Variants in ZDHHC15 observed in about 807,000 individuals in gnomAD.
ZDHHC15 encodes palmitoyltransferase ZDHHC15.
In ZDHHC15, 19 loss-of-function variants were observed where a neutral mutation model predicts 31.7. That is an observed-to-expected ratio of 0.60 (90% CI 0.42 to 0.88). The LOEUF (loss-of-function observed/expected upper bound fraction) is 0.88, where lower values mean the gene tolerates loss of function less well. ZDHHC15 is among the 40% of genes least tolerant of loss of function. The pLI is 0.00. For missense variants in ZDHHC15, 209 were observed against 251.2 expected (o/e 0.83, Z 1.14); for synonymous variants, 103 against 90.0 (o/e 1.14, Z -0.82).
At chrX:75,518,069 G>A (rs1261525683) in intron 1 of ZDHHC15, among the ~76,000 whole-genome samples, 1 of 111,356 alleles carries the variant, frequency 9.0e-6, no homozygotes, top group African/African-American at 3.3e-5. Context: ...AAATCTTTAT[G>A]CTCTTGCATT....
chrX:75,373,926 G>GTTTTTTTTTCTTTTTTTTT (rs2083028090), intron 11 of ZDHHC15, among the ~76,000 whole-genome samples: 1 of 50,456 alleles, frequency 2.0e-5, no homozygotes, highest in Non-Finnish European at 3.4e-5. Context: ...CATTCTTTCT[G>GTTTTTTTTTCTTTTTTTTT]TTTTTTTTTT....
intron 2 of ZDHHC15, among the ~76,000 whole-genome samples, chrX:75,486,498 G>C (rs1215100668): frequency 2.7e-5 from 3 of 112,535 alleles, no homozygotes. Flanking sequence ...TATAAGCATA[G>C]AAGCCATAGC....
intron 3 of ZDHHC15, among the ~76,000 whole-genome samples, chrX:75,470,191 A>G (rs1384483159): frequency 1.8e-5 from 2 of 111,465 alleles, no homozygotes; most frequent in Admixed American, 9.6e-5. Flanking sequence ...GCGAATATAA[A>G]GCAGGCAGGA....
intron 4 of ZDHHC15, among the ~76,000 whole-genome samples, chrX:75,444,105 A>G (rs753739024): frequency 1.8e-5 from 2 of 111,482 alleles, no homozygotes; most frequent in Admixed American, 1.9e-4. Context: ...TGACCCAGCC[A>G]TCCCATTACT....
intron 2 of ZDHHC15, among the ~76,000 whole-genome samples, chrX:75,495,622 T>C (rs2084981728): frequency 9.0e-6 from 1 of 110,529 alleles, no homozygotes; most frequent in East Asian, 2.9e-4. Context: ...TGAGTTCATG[T>C]CCTTTGTAGA....
chrX:75,505,959 C>T, intron 1 of ZDHHC15, 112 bp from the exon 2 acceptor site: 4 of 676,380 alleles, frequency 5.9e-6, no homozygotes, highest in East Asian at 6.7e-5. Context: ...TTTTCCACAG[C>T]ATCATTTGAG....
At chrX:75,504,205 T>C (rs1442408784) in intron 2 of ZDHHC15, among the ~76,000 whole-genome samples, 5 of 111,380 alleles carry the variant, frequency 4.5e-5, no homozygotes. Context: ...AGATAAGAAA[T>C]GGGAAAACTT....
intron 4 of ZDHHC15, among the ~76,000 whole-genome samples, chrX:75,432,976 C>G (rs1296320156): frequency 9.1e-6 from 1 of 109,790 alleles, no homozygotes. Context: ...AGAGCAAGAT[C>G]CTGTTTCTAA....
intron 10 of ZDHHC15, among the ~76,000 whole-genome samples, chrX:75,385,835 T>A (rs1189322275): frequency 3.6e-5 from 4 of 111,852 alleles, no homozygotes; most frequent in Admixed American, 9.5e-5. Flanking sequence ...TTCCTTTGAA[T>A]TCTTATAGCA....
At chrX:75,438,687 C>CTATT (rs2083896561) in intron 4 of ZDHHC15, among the ~76,000 whole-genome samples, 1 of 111,493 alleles carries the variant, frequency 9.0e-6, no homozygotes, top group Non-Finnish European at 1.9e-5. Flanking sequence ...AGGTATCATT[C>CTATT]TATTCATCAT....
At chrX:75,381,472 A>C (rs974269792) in intron 10 of ZDHHC15, among the ~76,000 whole-genome samples, 5 of 111,509 alleles carry the variant, frequency 4.5e-5, no homozygotes, top group Non-Finnish European at 7.5e-5. Context: ...ACCACTCATG[A>C]ATCCATTGCA....
At chrX:75,503,684 C>A (rs1408813497) in intron 2 of ZDHHC15, among the ~76,000 whole-genome samples, 2 of 111,173 alleles carry the variant, frequency 1.8e-5, no homozygotes, top group East Asian at 5.7e-4. Context: ...TGATATAATG[C>A]TTTTTAACAG....
chrX:75,428,947 T>C, intron 7 of ZDHHC15, 131 bp downstream of exon 7: 1 of 908,658 alleles, frequency 1.1e-6, no homozygotes, highest in Non-Finnish European at 1.5e-6. Flanking sequence ...CTGTTTTTAG[T>C]GCCTTCTCTT....
At chrX:75,374,108 A>T (rs1431730761) in intron 11 of ZDHHC15, among the ~76,000 whole-genome samples, 2 of 108,485 alleles carry the variant, frequency 1.8e-5, no homozygotes, top group East Asian at 5.7e-4. Flanking sequence ...GGAAACCATC[A>T]TTCTCAGCAA....
At chrX:75,479,766 G>C (rs2084660405) in intron 2 of ZDHHC15, among the ~76,000 whole-genome samples, 1 of 111,427 alleles carries the variant, frequency 9.0e-6, no homozygotes, top group African/African-American at 3.3e-5. Flanking sequence ...TGAGGTATTT[G>C]TCTTTCTGTG....
At chrX:75,435,548 A>T (rs2083839498) in intron 4 of ZDHHC15, among the ~76,000 whole-genome samples, 1 of 111,942 alleles carries the variant, frequency 8.9e-6, no homozygotes, top group South Asian at 3.8e-4. Context: ...TTTTAATCAT[A>T]AAGGGATGCT....
intron 10 of ZDHHC15, chrX:75,384,911 A>G (rs2083164015): frequency 4.2e-6 from 2 of 473,134 alleles, no homozygotes; most frequent in South Asian, 3.1e-5. Flanking sequence ...AGACTCTTCC[A>G]TCATTGGCAC....
Position 75,385,464 on chromosome X carries a change from G to A in ZDHHC15, c.968-6266C>T, listed in dbSNP as rs139644826. 4.6e-3 allele frequency among the ~76,000 whole-genome samples: 517 copies of A among 111,668 alleles called. 4 individuals carry two copies. The highest frequency in any genetic ancestry group is 0.016 in the African/African-American group (485 of 30,725). ...CACAGAATAAACTTATTAGTCTTAC[G>A]TCTAAGGTCCCACCCAAACTGATAC... On this transcript the variant is annotated intron_variant, in intron 10 of 11. Coordinates refer to ENST00000373367, the MANE Select transcript of ZDHHC15 (RefSeq NM_144969.3).
intron 3 of ZDHHC15, among the ~76,000 whole-genome samples, chrX:75,458,194 G>C (rs1208897299): frequency 2.7e-5 from 3 of 111,970 alleles, no homozygotes; most frequent in Non-Finnish European, 1.9e-5. Context: ...GAAAAACACT[G>C]TGTTGAGTGA....
Sources: allele counts gnomAD v4.1 joint callset (sites outside exome capture counted in the v4.1 genomes callset), GRCh38; gene constraint gnomAD v4.1.1; transcripts MANE v1.5; gene names NCBI Gene and HGNC (gene_info 2026-07-23, HGNC 2026-07-21).